Variants in CDK8 observed in about 807,000 individuals in gnomAD.
CDK8 encodes the protein cyclin-dependent kinase 8.
In CDK8, 29 loss-of-function variants were observed where a neutral mutation model predicts 71.5. The observed-to-expected ratio is 0.41, with a 90% confidence interval of 0.30 to 0.55. The LOEUF is 0.55. CDK8 is among the 20% of genes least tolerant of loss of function. CDK8 has a pLI of 0.37. For synonymous variants in CDK8, 161 were observed against 192.1 expected (o/e 0.84, Z 1.34); for missense variants, 288 against 572.6 (o/e 0.50, Z 5.07).
chr13:26,301,740 C>T (rs1161038505), intron 1 of CDK8, among the ~76,000 whole-genome samples: 1 of 152,210 alleles, frequency 6.6e-6, no homozygotes, highest in Non-Finnish European at 1.5e-5. Flanking sequence ...TCTTATCTAA[C>T]AGTAGAACTA....
At chr13:26,291,732 G>C (rs561803066) in intron 1 of CDK8, among the ~76,000 whole-genome samples, 1 of 152,214 alleles carries the variant, frequency 6.6e-6, no homozygotes, top group East Asian at 1.9e-4. Flanking sequence ...TGAATGATTT[G>C]GTTCTGTTAC....
At position 26,351,279 on chromosome 13, in the gene CDK8, T is replaced by C. The variant is rs546938487; in HGVS notation, c.315+2097T>C. The stretch of plus-strand genomic sequence containing the variant: ...ATTAGCATGGCTATGCTTTTTATTA[T>C]GTATACATGAAATTTTCTCTCTTTT... On this transcript the variant is annotated intron_variant, in intron 3 of 12. Transcript: ENST00000381527. 2.0e-5 allele frequency among the ~76,000 whole-genome samples: 3 copies of C among 152,312 alleles called. No homozygotes were observed. The East Asian group carries it at 5.8e-4, about 29-fold the overall frequency.
rs563790433 is a variant in CDK8 at position 26,276,541 on chromosome 13, A to G, written c.128+21772A>G. On this transcript the variant is annotated intron_variant, in intron 1 of 12. Coordinates refer to ENST00000381527, the MANE Select transcript of CDK8 (RefSeq NM_001260.3). Reference sequence around the variant, plus strand: ...TTTTCCAGCTATCATAAGGGCATATAAGTTACATGTACTTTAATATATTTT... The same window carrying G: ...TTTTCCAGCTATCATAAGGGCATATGAGTTACATGTACTTTAATATATTTT... Among the ~76,000 whole-genome samples the G allele has an allele frequency of 4.6e-5, 7 of 152,354 alleles. No homozygotes were observed. The South Asian group carries it at 1.4e-3, about 32-fold the overall frequency.
chr13:26,292,267 C>T (rs9581624), intron 1 of CDK8, among the ~76,000 whole-genome samples: 16,425 of 152,150 alleles, frequency 0.11, 2,622 homozygotes, highest in African/African-American at 0.35. Flanking sequence ...TTTCTACTCT[C>T]AGGCCTCACT....
At chr13:26,268,256 AACACACACACACACAC>A (rs3027999) in intron 1 of CDK8, among the ~76,000 whole-genome samples, 115 of 116,790 alleles carry the variant, frequency 9.8e-4, no homozygotes, top group African/African-American at 3.0e-3. Context: ...CCCCTCCCCC[AACACACACACACACAC>A]ACACACACAC....
chr13:26,401,703 T>C lies in CDK8; in HGVS notation c.1269+79T>C. On this transcript the variant is annotated intron_variant, in intron 12 of 12. Coordinates refer to ENST00000381527, the MANE Select transcript of CDK8 (RefSeq NM_001260.3). The surrounding 1 kb of genome is among the most constrained non-coding windows in gnomAD (Gnocchi z 4.5). ...ATGATCGTGGGAAAATGTGATTTAATTGAGAAATACTGACGTCTGTATACC... is the reference window on the plus strand; with the variant it reads ...ATGATCGTGGGAAAATGTGATTTAACTGAGAAATACTGACGTCTGTATACC... 4.9e-6 allele frequency: 7 copies of C among 1,434,332 alleles called. No homozygotes were observed. Among genetic ancestry groups the C allele is most frequent in the South Asian group, 2.4e-5 (2 of 84,740 alleles). 88.9% of individuals were successfully genotyped at this position (1,434,332 alleles called of 1,614,324 possible).
chr13:26,264,326 C>A (rs1474291505), intron 1 of CDK8, among the ~76,000 whole-genome samples: 2 of 151,644 alleles, frequency 1.3e-5, no homozygotes, highest in Non-Finnish European at 2.9e-5. Flanking sequence ...CACTCTGTTC[C>A]CTGGGCTGGA....
At chr13:26,353,616 G>A (rs1219965880) in intron 3 of CDK8, 124 bp from the exon 4 acceptor site, 20 of 782,162 alleles carry the variant, frequency 2.6e-5, no homozygotes, top group Admixed American at 1.2e-4. Context: ...AGCAGAGTAC[G>A]AAATTATATT....
At chr13:26,391,444 C>T (rs1326805634) in intron 6 of CDK8, among the ~76,000 whole-genome samples, 1 of 152,174 alleles carries the variant, frequency 6.6e-6, no homozygotes, top group South Asian at 2.1e-4. Flanking sequence ...AAACTACTTA[C>T]CTTTCATCTT....
intron 1 of CDK8, among the ~76,000 whole-genome samples, chr13:26,298,745 C>A (rs1011056845): frequency 9.9e-5 from 15 of 152,118 alleles, no homozygotes; most frequent in African/African-American, 2.7e-4. Flanking sequence ...CCTTTACTGT[C>A]AAAAATTATG....
chr13:26,273,958 T>C (rs912899942), intron 1 of CDK8, among the ~76,000 whole-genome samples: 3 of 152,206 alleles, frequency 2.0e-5, no homozygotes, highest in African/African-American at 7.2e-5. Context: ...GTATATTCCA[T>C]GTCACTAATC....
chr13:26,284,400 A>T (rs969300249), intron 1 of CDK8, among the ~76,000 whole-genome samples: 1 of 152,228 alleles, frequency 6.6e-6, no homozygotes, highest in Admixed American at 6.5e-5. Context: ...CATTAGTAAG[A>T]TTAACCAAGA....
Position 26,254,879 on chromosome 13 carries a change from C to G in CDK8, c.128+110C>G, listed in dbSNP as rs1248468775. The stretch of plus-strand genomic sequence containing the variant: ...CCGGGGTGCCGGGCTCTGACTTCCT[C>G]GACGCCGGCCTCTGGCTCCGCCAGC... On this transcript the variant is annotated intron_variant, in intron 1 of 12. Coordinates refer to ENST00000381527, the MANE Select transcript of CDK8 (RefSeq NM_001260.3). The surrounding 1 kb of genome is among the most constrained non-coding windows in gnomAD (Gnocchi z 6.7). 6.9e-7 allele frequency: 1 copy of G among 1,444,072 alleles called. No homozygotes were observed. Among genetic ancestry groups the G allele is most frequent in the Non-Finnish European group, 9.3e-7 (1 of 1,069,888 alleles). The allele number at this position is 1,444,072 out of a possible 1,614,324, so 89.5% of individuals were successfully genotyped here.
At chr13:26,374,826 T>G (rs1010282404) in intron 4 of CDK8, among the ~76,000 whole-genome samples, 2 of 152,136 alleles carry the variant, frequency 1.3e-5, no homozygotes, top group Admixed American at 6.5e-5. Context: ...GATGGTGTTA[T>G]TTCTAGAAAT....
chr13:26,336,550 C>CTT lies in CDK8; in HGVS notation c.129-997_129-996dup, dbSNP rs1227344754. Among the ~76,000 whole-genome samples, 476 of 121,070 alleles carry CTT rather than the reference C, an allele frequency of 3.9e-3. 2 individuals are homozygous for CTT. The highest frequency in any genetic ancestry group is 7.3e-3 in the African/African-American group (228 of 31,088). The allele number at this position is 121,070 out of a possible 152,430, so 79.4% of individuals were successfully genotyped here. A position where few individuals can be genotyped will look rare whatever the true frequency, so the allele number is the denominator to read the frequency against. On this transcript the variant is annotated intron_variant, in intron 1 of 12. Transcript: ENST00000381527. ...TCAGATGGCATTTTCTCTGAGGAGT[C>CTT]TTTTTTTTTTTTTTTTTTTTTGAGA...
At chr13:26,356,710 A>G (rs973756301) in intron 4 of CDK8, among the ~76,000 whole-genome samples, 1 of 152,154 alleles carries the variant, frequency 6.6e-6, no homozygotes, top group Non-Finnish European at 1.5e-5. Flanking sequence ...TAATGTATGT[A>G]GTAATATGAT....
chr13:26,363,372 A>G (rs1019169881), intron 4 of CDK8, among the ~76,000 whole-genome samples: 2 of 149,338 alleles, frequency 1.3e-5, no homozygotes, highest in East Asian at 4.0e-4. Flanking sequence ...TATTGCAGCC[A>G]TCGTCGGTTG....
At chr13:26,306,995 T>C (rs890973274) in intron 1 of CDK8, among the ~76,000 whole-genome samples, 1 of 152,144 alleles carries the variant, frequency 6.6e-6, no homozygotes, top group African/African-American at 2.4e-5. Flanking sequence ...AAAGTTGTCT[T>C]AGGAGAGAAA....
At chr13:26,345,539 G>A (rs772741430) in intron 2 of CDK8, among the ~76,000 whole-genome samples, 1 of 151,864 alleles carries the variant, frequency 6.6e-6, no homozygotes, top group Non-Finnish European at 1.5e-5. Flanking sequence ...GTGCCACCAC[G>A]CCCAACAAAT....
Sources: allele counts gnomAD v4.1 joint callset (sites outside exome capture counted in the v4.1 genomes callset), GRCh38; gene constraint gnomAD v4.1.1; non-coding constraint Gnocchi (gnomAD v3.1); transcripts MANE v1.5; gene names NCBI Gene and HGNC (gene_info 2026-07-23, HGNC 2026-07-21).